Variants in FCMR observed in about 807,000 individuals in gnomAD.
The protein encoded by FCMR is immunoglobulin mu Fc receptor.
In FCMR, 34 loss-of-function variants were observed where a neutral mutation model predicts 41.6. That is an observed-to-expected ratio of 0.82 (90% CI 0.62 to 1.09). FCMR has a LOEUF of 1.09. Ranked by LOEUF, FCMR falls within the 50% of genes least tolerant of loss-of-function variation. The pLI is 0.00. For synonymous variants in FCMR, 209 were observed against 211.8 expected (o/e 0.99, Z 0.12); for missense variants, 496 against 512.5 (o/e 0.97, Z 0.31).
At position 206,904,749 on chromosome 1, in the gene FCMR, G is replaced by A. The variant is rs376182235; in HGVS notation, c.*270C>T. 6.5e-5 allele frequency: 28 copies of A among 431,620 alleles called. No individual in the cohort carries two copies. Among genetic ancestry groups the A allele is most frequent in the Non-Finnish European group, 1.1e-4 (25 of 231,856 alleles). 26.7% of individuals were successfully genotyped at this position (431,620 alleles called of 1,614,324 possible). A position where few individuals can be genotyped will look rare whatever the true frequency, so the allele number is the denominator to read the frequency against. On this transcript the variant is annotated 3_prime_UTR_variant, in exon 8 of 8. Transcript: ENST00000367091. Reference sequence around the variant, plus strand: ...CTGCAAATCCCACAGTCTGTTCGACGGCTTGGAAAGGAAGCAAGTGGCATT... The same window carrying A: ...CTGCAAATCCCACAGTCTGTTCGACAGCTTGGAAAGGAAGCAAGTGGCATT...
rs1678494398 is a variant in FCMR, at chr1:206,903,703, TC to T, written c.*1315del. ...CACCCACACTCGCCAGCTCACCCCATCATCCCTTTCCCTTGGTGCCCTCCTT... is the reference window on the plus strand; with the variant it reads ...CACCCACACTCGCCAGCTCACCCCATATCCCTTTCCCTTGGTGCCCTCCTT... On this transcript the variant is annotated 3_prime_UTR_variant, in exon 8 of 8. Coordinates refer to ENST00000367091, the MANE Select transcript of FCMR (RefSeq NM_005449.5). The T allele has an allele frequency of 6.6e-6, 1 of 152,350 alleles. No individual in the cohort carries two copies. Among genetic ancestry groups the T allele is most frequent in the Non-Finnish European group, 1.5e-5 (1 of 68,056 alleles). 9.4% of individuals were successfully genotyped at this position (152,350 alleles called of 1,614,324 possible).
chr1:206,918,862 G>A (rs542486864), intron 1 of FCMR, among the ~76,000 whole-genome samples: 1 of 152,206 alleles, frequency 6.6e-6, no homozygotes, highest in Non-Finnish European at 1.5e-5. Context: ...CATGCGCTAG[G>A]CCCTAGGGAG....
intron 1 of FCMR, 55 bp from the exon 2 acceptor site, chr1:206,914,149 C>A: frequency 1.5e-6 from 2 of 1,374,034 alleles, no homozygotes; most frequent in Non-Finnish European, 1.0e-6. Flanking sequence ...TATATCCCAG[C>A]CCCATCTACT....
chr1:206,910,412 T>C (rs568912784), intron 4 of FCMR, 72 bp from the exon 5 acceptor site: 588 of 1,256,038 alleles, frequency 4.7e-4, no homozygotes, highest in Middle Eastern at 5.9e-4. Context: ...CTTGCTCCTG[T>C]GTAGCCAACG....
rs1678693229 is a variant in FCMR, at chr1:206,907,107, G to GGGGTT, written c.1045-1961_1045-1960insAACCC. Among the ~76,000 whole-genome samples, 2 of 58,502 alleles carry GGGGTT rather than the reference G, an allele frequency of 3.4e-5. 1 individual carries two copies. The highest frequency in any genetic ancestry group is 1.0e-4 in the Non-Finnish European group (2 of 19,728). The allele number at this position is 58,502 out of a possible 152,430, so 38.4% of individuals were successfully genotyped here. A position where few individuals can be genotyped will look rare whatever the true frequency, so the allele number is the denominator to read the frequency against. On this transcript the variant is annotated intron_variant, in intron 7 of 7. Coordinates refer to ENST00000367091, the MANE Select transcript of FCMR (RefSeq NM_005449.5). ...GGGGGTGGGGGGGTGGGGGGGTGGG[G>GGGGTT]GGGGGGTGGGGGCGGGGTGGGGACT...
rs998095278 is a variant in FCMR at position 206,910,614 on chromosome 1, T to A, written c.711-274A>T. On this transcript the variant is annotated intron_variant, in intron 4 of 7. Coordinates refer to ENST00000367091, the MANE Select transcript of FCMR (RefSeq NM_005449.5). ...CTCTCCATAAATAGGTATAGTAAAA[T>A]CTATTTCACAGAACTGTTATGAGGA... 7.2e-5 allele frequency among the ~76,000 whole-genome samples: 11 copies of A among 152,182 alleles called. No homozygotes were observed. In the East Asian group the frequency reaches 2.1e-3, roughly 29 times the overall value.
chr1:206,907,101 GGT>G (rs1238024379), intron 7 of FCMR, among the ~76,000 whole-genome samples: 12 of 53,692 alleles, frequency 2.2e-4, no homozygotes, highest in East Asian at 5.8e-4. Flanking sequence ...GGGGTGGGGG[GGT>G]GGGGGGGGGG....
At chr1:206,907,103 T>TGGGGGGGGGGGGGGGGGGG (rs75679471) in intron 7 of FCMR, among the ~76,000 whole-genome samples, 1 of 43,358 alleles carries the variant, frequency 2.3e-5, no homozygotes, top group African/African-American at 8.4e-5. Flanking sequence ...GGTGGGGGGG[T>TGGGGGGGGGGGGGGGGGGG]GGGGGGGGGG....
At chr1:206,911,695 A>AGCCT in intron 4 of FCMR, 35 bp downstream of exon 4, 14 of 1,585,146 alleles carry the variant, frequency 8.8e-6, no homozygotes, top group Non-Finnish European at 1.2e-5. Context: ...TCTTAATTCT[A>AGCCT]GCCTAACTCT....
chr1:206,917,874 TC>T (rs1679259188), intron 1 of FCMR: 1 of 450,884 alleles, frequency 2.2e-6, no homozygotes, highest in Non-Finnish European at 4.4e-6. Context: ...CACCTCAGCC[TC>T]CCAAAGTGTT....
At chr1:206,915,275 G>A (rs1322902024) in intron 1 of FCMR, among the ~76,000 whole-genome samples, 1 of 152,178 alleles carries the variant, frequency 6.6e-6, no homozygotes, top group Non-Finnish European at 1.5e-5. Context: ...AGCAAACCCG[G>A]GCGCCTGATG....
chr1:206,908,211 C>G, intron 7 of FCMR: 1 of 1,450,528 alleles, frequency 6.9e-7, no homozygotes, highest in East Asian at 2.3e-5. Context: ...TCCTCAAGAC[C>G]CACGGGCTCC....
At chr1:206,912,164 A>G (rs1678972132) in intron 3 of FCMR, among the ~76,000 whole-genome samples, 1 of 152,158 alleles carries the variant, frequency 6.6e-6, no homozygotes, top group African/African-American at 2.4e-5. Flanking sequence ...TCTTCCAGGA[A>G]GCCTTCCCTG....
intron 1 of FCMR, among the ~76,000 whole-genome samples, chr1:206,920,164 A>C (rs1173939052): frequency 6.6e-6 from 1 of 152,134 alleles, no homozygotes; most frequent in Non-Finnish European, 1.5e-5. Flanking sequence ...ACCCATAAAA[A>C]GTGAAGGTGG....
chr1:206,914,115 T>C lies in FCMR; in HGVS notation c.38-21A>G, dbSNP rs1456548187. On this transcript the variant is annotated intron_variant, in intron 1 of 7. Transcript: ENST00000367091. ...CGATACTGCAGGGAGAGGAGATTAA[T>C]GCAGAGGGAGCCCCATCTCTAACTA... The C allele has an allele frequency of 3.2e-6, 5 of 1,571,608 alleles. No individual in the cohort carries two copies. The African/African-American group carries it at 5.4e-5, about 17-fold the overall frequency.
At chr1:206,907,840 G>A (rs1170801104) in intron 7 of FCMR, 1 of 1,408,704 alleles carries the variant, frequency 7.1e-7, no homozygotes, top group Non-Finnish European at 1.0e-6. Flanking sequence ...ACCACTTCCC[G>A]GCCCCCAGCC....
rs1678560940 is a variant in FCMR, at chr1:206,905,003, G to A, written c.*16C>T. ...CCACAGTCCGAGCCTGGGGTTGGGG[G>A]ATAGCTGGGGAGTTGTCAGGCAGGA... On this transcript the variant is annotated 3_prime_UTR_variant, in exon 8 of 8. Coordinates refer to ENST00000367091, the MANE Select transcript of FCMR (RefSeq NM_005449.5). 6.2e-7 allele frequency: 1 copy of A among 1,613,606 alleles called. No homozygotes were observed. The highest frequency in any genetic ancestry group is 8.5e-7 in the Non-Finnish European group (1 of 1,179,842).
rs1355387443 is a variant in FCMR, at chr1:206,909,749, G to T, written c.961C>A (p.Arg321Ser). 15 of 1,462,254 alleles carry T rather than the reference G, an allele frequency of 1.0e-5. No individual in the cohort carries two copies. The highest frequency in any genetic ancestry group is 4.5e-6 in the Non-Finnish European group (5 of 1,117,106). The allele number at this position is 1,462,254 out of a possible 1,614,324, so 90.6% of individuals were successfully genotyped here. Residue 321 changes from arginine to serine, a missense_variant, in exon 6 of 8, where the codon CGC becomes AGC. Coordinates refer to ENST00000367091, the MANE Select transcript of FCMR (RefSeq NM_005449.5). This position sits in a 1 kb window ranked among gnomAD's most constrained non-coding sequence, Gnocchi z 5.0. ...QNNIYSACPR[R>S]ARGADAAGTG... ...CCTGCAGCGTCCGCTCCACGAGCGC[G>T]CCGCGGGCAGGCGCTGTAGATGTTG...
intron 2 of FCMR, 156 bp downstream of exon 2, chr1:206,913,603 T>C: frequency 1.6e-6 from 1 of 627,708 alleles, no homozygotes; most frequent in South Asian, 2.0e-5. Context: ...TGGAGGTAAT[T>C]GACTATGAGG....
Sources: gnomAD v4.1 joint callset for allele counts (sites outside exome capture counted in the v4.1 genomes callset) on GRCh38, gnomAD v4.1.1 for gene constraint, Gnocchi (gnomAD v3.1) non-coding constraint, MANE v1.5 for transcripts, NCBI Gene and HGNC (gene_info 2026-07-23, HGNC 2026-07-21) for gene names.